The following GLYATL1 variants were observed in gnomAD, a reference collection of about 807,000 sequenced individuals.
GLYATL1 encodes glycine-N-acyltransferase like 1.
GLYATL1 carries 15 observed loss-of-function variants against 20.0 expected under a neutral mutation model. The ratio of observed to expected loss-of-function variants is 0.75; its 90% CI spans 0.50 to 1.15. The LOEUF is 1.15. Ranked by LOEUF, GLYATL1 falls within the 50% of genes most tolerant of loss-of-function variation. GLYATL1 has a pLI of 0.00. For synonymous variants in GLYATL1, 151 were observed against 131.5 expected, an observed-to-expected ratio of 1.15 and a Z score of -1.01; for missense variants, 380 against 368.5, an observed-to-expected ratio of 1.03 and a Z score of -0.26.
exon 2 of GLYATL1, chr11:58,907,692 A>G: frequency 5.2e-6 from 1 of 190,994 alleles, no homozygotes; most frequent in South Asian, 1.0e-4. Context: ...TTTTGACTAG[A>G]TATCAAGCTT....
chr11:58,920,785 T>G (rs1376219185), intron 1 of GLYATL1, among the ~76,000 whole-genome samples: 2 of 152,160 alleles, frequency 1.3e-5, no homozygotes, highest in African/African-American at 4.8e-5. Flanking sequence ...TATAACTGAG[T>G]GCGGTACCCG....
upstream of GLYATL1, among the ~76,000 whole-genome samples, chr11:58,923,654 C>T (rs1389458249): frequency 6.6e-6 from 1 of 152,144 alleles, no homozygotes; most frequent in African/African-American, 2.4e-5. Flanking sequence ...GCCTCCAGAT[C>T]CTGTTCTGCC....
downstream of GLYATL1, among the ~76,000 whole-genome samples, chr11:58,908,886 C>A (rs556727786): frequency 9.2e-5 from 14 of 152,232 alleles, no homozygotes; most frequent in African/African-American, 3.4e-4. Context: ...TGAATTATCT[C>A]ATTTAACACT....
chr11:58,939,143 C>T (rs1855971822), upstream of GLYATL1, among the ~76,000 whole-genome samples: 1 of 152,084 alleles, frequency 6.6e-6, no homozygotes, highest in African/African-American at 2.4e-5. Context: ...CCCCTACGTC[C>T]CTCAAAAAGT....
At chr11:58,940,521 G>A (rs1856065434) in intron 1 of GLYATL1, among the ~76,000 whole-genome samples, 1 of 152,074 alleles carries the variant, frequency 6.6e-6, no homozygotes, top group Admixed American at 6.6e-5. Context: ...CTACCCAATT[G>A]GATTATAAAT....
chr11:58,919,928 G>T (rs1347767955), intron 1 of GLYATL1, among the ~76,000 whole-genome samples: 2 of 152,148 alleles, frequency 1.3e-5, no homozygotes, highest in African/African-American at 4.8e-5. Context: ...ACCATTTCAG[G>T]TATGGCTAGC....
chr11:58,952,948 G>T (rs1857100034), intron 4 of GLYATL1, among the ~76,000 whole-genome samples: 1 of 152,122 alleles, frequency 6.6e-6, no homozygotes, highest in Non-Finnish European at 1.5e-5. Flanking sequence ...AAAAGAAAAT[G>T]AATCATTCTA....
chr11:58,907,102 A>G (rs1032921346), intron 1 of GLYATL1: 13 of 333,794 alleles, frequency 3.9e-5, no homozygotes, highest in Non-Finnish European at 7.2e-5. Flanking sequence ...AAGTTACACC[A>G]TAATAGTTTT....
chr11:58,918,942 T>G (rs1316740616), intron 1 of GLYATL1, among the ~76,000 whole-genome samples: 2 of 152,212 alleles, frequency 1.3e-5, no homozygotes, highest in African/African-American at 4.8e-5. Context: ...CCACTTGTCC[T>G]GGGCTGCTAG....
chr11:58,931,283 G>A (rs1855588985), intron 1 of GLYATL1, among the ~76,000 whole-genome samples: 1 of 152,122 alleles, frequency 6.6e-6, no homozygotes, highest in Admixed American at 6.5e-5. Context: ...AAGGATATCA[G>A]GGGTATTGGA....
At chr11:58,952,682 A>G (rs887313691) in intron 4 of GLYATL1, among the ~76,000 whole-genome samples, 15 of 152,188 alleles carry the variant, frequency 9.9e-5, no homozygotes, top group African/African-American at 3.1e-4. Flanking sequence ...ATAGTACCCA[A>G]TAGGTAGTTT....
At chr11:58,947,297 C>T in intron 3 of GLYATL1, 132 bp downstream of exon 3, 1 of 1,244,554 alleles carries the variant, frequency 8.0e-7, no homozygotes, top group Non-Finnish European at 1.1e-6. Context: ...GGACTGGGGG[C>T]ACAGGCTGCA....
chr11:58,944,141 T>C lies in GLYATL1; in HGVS notation c.-43+475T>C, dbSNP rs117362904. Among the ~76,000 whole-genome samples the C allele has an allele frequency of 8.1e-3, 1,236 of 152,358 alleles. 17 individuals carry two copies. Among genetic ancestry groups the C allele is most frequent in the South Asian group, 0.05 (239 of 4,828 alleles). ...TCTTACAGAAATGGCAAAACATTAC[T>C]AAAGATACTTAGAGTGGAACATTCC... On this transcript the variant is annotated intron_variant, in intron 2 of 6. Transcript: ENST00000532726.
chr11:58,910,292 T>G (rs1011070194), downstream of GLYATL1, among the ~76,000 whole-genome samples: 4 of 152,200 alleles, frequency 2.6e-5, no homozygotes, highest in Non-Finnish European at 4.4e-5. Flanking sequence ...ACAGACTTTA[T>G]CTTTGTATTG....
At chr11:58,914,595 G>C (rs867453602) in intron 1 of GLYATL1, among the ~76,000 whole-genome samples, 8 of 152,092 alleles carry the variant, frequency 5.3e-5, no homozygotes, top group African/African-American at 1.7e-4. Context: ...TCCCTCCCTG[G>C]GTGGGGATTT....
At chr11:58,915,508 G>A (rs1447065797) in intron 1 of GLYATL1, among the ~76,000 whole-genome samples, 1 of 152,142 alleles carries the variant, frequency 6.6e-6, no homozygotes, top group East Asian at 1.9e-4. Context: ...AGGTAGCTGG[G>A]CCTGGCCAGC....
chr11:58,907,311 G>A lies in GLYATL1; in HGVS notation n.309G>A, dbSNP rs1018419976. The A allele has an allele frequency of 1.8e-5, 8 of 456,102 alleles. No homozygotes were observed. In the Admixed American group the frequency reaches 1.9e-4, roughly 11 times the overall value. The allele number at this position is 456,102 out of a possible 1,614,324, so 28.3% of individuals were successfully genotyped here. ...TCTCAGCTTTGTCTTCTGAAATCTG[G>A]ACTTCCAATTGTCTTTGTCTTGCTG... On this transcript the variant is annotated non_coding_transcript_exon_variant, in exon 2 of 2. Transcript: ENST00000524629.
downstream of GLYATL1, among the ~76,000 whole-genome samples, chr11:58,908,984 C>T (rs752388453): frequency 2.6e-5 from 4 of 152,116 alleles, no homozygotes; most frequent in Non-Finnish European, 4.4e-5. Flanking sequence ...GCAGAAATAA[C>T]GAACTTCAGA....
intron 4 of GLYATL1, among the ~76,000 whole-genome samples, chr11:58,954,280 G>A (rs1386232832): frequency 6.6e-6 from 1 of 152,184 alleles, no homozygotes; most frequent in East Asian, 1.9e-4. Context: ...CACAAACTCA[G>A]TACAACCCAG....
Sources: allele counts gnomAD v4.1 joint callset (sites outside exome capture counted in the v4.1 genomes callset), GRCh38; gene constraint gnomAD v4.1.1; transcripts MANE v1.5; gene names NCBI Gene and HGNC (gene_info 2026-07-23, HGNC 2026-07-21).